Variants in SLCO3A1 observed in about 807,000 individuals in gnomAD.
The protein encoded by SLCO3A1 is PGE1 transporter.
A neutral mutation model predicts 63.1 loss-of-function variants in SLCO3A1; 27 were observed. That is an observed-to-expected ratio of 0.43 (90% CI 0.32 to 0.59). The LOEUF (loss-of-function observed/expected upper bound fraction) is 0.59. Ranked by LOEUF, SLCO3A1 falls within the 20% of genes least tolerant of loss-of-function variation. The probability of loss-of-function intolerance (pLI) is 0.09; values close to 1 mark genes in which losing one functional copy is unlikely to be tolerated. For synonymous variants in SLCO3A1, 473 were observed against 409.9 expected (o/e 1.15, Z -1.86); for missense variants, 773 against 945.8 (o/e 0.82, Z 2.40).
intron 2 of SLCO3A1, among the ~76,000 whole-genome samples, chr15:92,060,214 G>A (rs2047069897): frequency 6.6e-6 from 1 of 152,000 alleles, no homozygotes; most frequent in African/African-American, 2.4e-5. Flanking sequence ...GTACACTCCT[G>A]TACCATAGGC....
intron 1 of SLCO3A1, among the ~76,000 whole-genome samples, chr15:91,911,912 A>G (rs988018356): frequency 1.3e-5 from 2 of 151,994 alleles, no homozygotes; most frequent in Admixed American, 6.5e-5. Context: ...GTCGTGAGCC[A>G]CTGCGCCCGG....
At chr15:91,876,691 C>T (rs1390316843) in intron 1 of SLCO3A1, among the ~76,000 whole-genome samples, 1 of 152,218 alleles carries the variant, frequency 6.6e-6, no homozygotes, top group African/African-American at 2.4e-5. Context: ...GGAGGCCTCT[C>T]AACTGGAACT....
In SLCO3A1 at chr15:91,916,448, G is replaced by C. The variant is rs768503651; in HGVS notation, c.636G>C (p.Ser212=). ...IDDHVRRKDS[S]LYIGILFTML... ...ACCACGTGCGGAGGAAGGACTCCTCGCTCTATATAGGTAGGAGCTGCCCCA... is the reference window on the plus strand; with the variant it reads ...ACCACGTGCGGAGGAAGGACTCCTCCCTCTATATAGGTAGGAGCTGCCCCA... The change falls in exon 2 of 10, where the codon TCG becomes TCC. Residue 212 remains serine (S), a synonymous_variant. Coordinates refer to ENST00000318445, the MANE Select transcript of SLCO3A1 (RefSeq NM_013272.4). The surrounding 1 kb of genome is among the most constrained non-coding windows in gnomAD (Gnocchi z 6.2). The C allele has an allele frequency of 6.2e-7, 1 of 1,605,696 alleles. No individual in the cohort carries two copies.
At chr15:91,966,893 G>C (rs983131817) in intron 2 of SLCO3A1, among the ~76,000 whole-genome samples, 2 of 152,174 alleles carry the variant, frequency 1.3e-5, no homozygotes, top group Non-Finnish European at 2.9e-5. Flanking sequence ...TCTGCAGAGA[G>C]CTGGGCTGCT....
Position 92,050,945 on chromosome 15 carries a change from C to T in SLCO3A1, c.647-43936C>T, listed in dbSNP as rs983116605. 9.8e-5 allele frequency among the ~76,000 whole-genome samples: 15 copies of T among 152,326 alleles called. No homozygotes were observed. In the East Asian group the frequency reaches 2.5e-3, roughly 26 times the overall value. On this transcript the variant is annotated intron_variant, in intron 2 of 9. Transcript: ENST00000318445. The stretch of plus-strand genomic sequence containing the variant: ...TGCTTTTCCCTCCACAGGTGACACT[C>T]AGCCTTCAGACATAGTCTTCTTGTC...
chr15:92,046,630 C>G (rs977189396), intron 2 of SLCO3A1, among the ~76,000 whole-genome samples: 1 of 151,998 alleles, frequency 6.6e-6, no homozygotes, highest in Non-Finnish European at 1.5e-5. Context: ...GCTGCCTTGT[C>G]CAAGGCTGCA....
intron 2 of SLCO3A1, among the ~76,000 whole-genome samples, chr15:92,019,507 G>A (rs2046480725): frequency 6.6e-6 from 1 of 152,200 alleles, no homozygotes; most frequent in Non-Finnish European, 1.5e-5. Context: ...CCTAGGCCCA[G>A]GAGAGCTGGT....
intron 2 of SLCO3A1, among the ~76,000 whole-genome samples, chr15:92,071,954 G>T (rs915063205): frequency 2.0e-5 from 3 of 152,136 alleles, no homozygotes; most frequent in Non-Finnish European, 4.4e-5. Flanking sequence ...TCTCAACCAG[G>T]GTCCTTTTTT....
rs1897137148 is a variant in SLCO3A1, at chr15:91,865,245, G to A, written c.180+11157G>A. On this transcript the variant is annotated intron_variant, in intron 1 of 9. Transcript: ENST00000318445. The surrounding 1 kb of genome is among the most constrained non-coding windows in gnomAD (Gnocchi z 4.6). ...ACATTTTATTTAAACTTTTCCTTTT[G>A]TAGAGTTCGTAGGACAGTAGGATTA... Among the ~76,000 whole-genome samples, 1 of 152,174 alleles carries A rather than the reference G, an allele frequency of 6.6e-6. No individual in the cohort carries two copies. The highest frequency in any genetic ancestry group is 2.4e-5 in the African/African-American group (1 of 41,436).
intron 2 of SLCO3A1, among the ~76,000 whole-genome samples, chr15:92,035,023 G>T (rs1200307225): frequency 2.0e-5 from 3 of 151,884 alleles, no homozygotes; most frequent in East Asian, 3.9e-4. Flanking sequence ...CTTGTCCAAG[G>T]TCATAGTTAA....
intron 7 of SLCO3A1, among the ~76,000 whole-genome samples, chr15:92,141,184 C>T (rs1404230320): frequency 6.6e-6 from 1 of 152,178 alleles, no homozygotes; most frequent in Admixed American, 6.5e-5. Context: ...GAGAATTCAC[C>T]TCTCGCAGAG....
At chr15:92,128,297 C>G in intron 6 of SLCO3A1, 54 bp from the exon 7 acceptor site, 1 of 1,610,846 alleles carries the variant, frequency 6.2e-7, no homozygotes, top group East Asian at 2.2e-5. Flanking sequence ...CTGGGGGCAT[C>G]TGATTCCGAA....
chr15:91,906,588 G>A (rs1279278687), intron 1 of SLCO3A1, among the ~76,000 whole-genome samples: 2 of 152,218 alleles, frequency 1.3e-5, no homozygotes, highest in African/African-American at 2.4e-5. Flanking sequence ...GAGGGCCTTA[G>A]ACTAAGATCT....
At chr15:92,085,437 C>T (rs1410992134) in intron 2 of SLCO3A1, among the ~76,000 whole-genome samples, 2 of 152,198 alleles carry the variant, frequency 1.3e-5, no homozygotes, top group Non-Finnish European at 2.9e-5. Context: ...CCAAGTGCCC[C>T]GGGGCGAGCT....
At chr15:91,982,271 C>A (rs956151834) in intron 2 of SLCO3A1, among the ~76,000 whole-genome samples, 14 of 152,240 alleles carry the variant, frequency 9.2e-5, no homozygotes, top group African/African-American at 3.4e-4. Flanking sequence ...GCAATCAGGG[C>A]AGGGCCCTAG....
rs549257054 is a variant in SLCO3A1, at chr15:92,102,762, A to G, written c.746-1517A>G. On this transcript the variant is annotated intron_variant, in intron 3 of 9. Coordinates refer to ENST00000318445, the MANE Select transcript of SLCO3A1 (RefSeq NM_013272.4). ...GAGCTGGTGGCCTTAGGCTCATGGCACAAAGAGCAGGAATTGATCATTCAC... is the reference window on the plus strand; with the variant it reads ...GAGCTGGTGGCCTTAGGCTCATGGCGCAAAGAGCAGGAATTGATCATTCAC... Among the ~76,000 whole-genome samples the G allele has an allele frequency of 5.3e-5, 8 of 152,288 alleles. No homozygotes were observed. The South Asian group carries it at 1.5e-3, about 28-fold the overall frequency.
intron 2 of SLCO3A1, among the ~76,000 whole-genome samples, chr15:92,009,465 A>G (rs1467036321): frequency 6.6e-6 from 1 of 152,172 alleles, no homozygotes; most frequent in Non-Finnish European, 1.5e-5. Flanking sequence ...CCAACTCGAG[A>G]ATGTCTCCAG....
intron 2 of SLCO3A1, among the ~76,000 whole-genome samples, chr15:92,023,617 C>T (rs912995806): frequency 6.6e-6 from 1 of 151,978 alleles, no homozygotes; most frequent in African/African-American, 2.4e-5. Flanking sequence ...TACAGGCATG[C>T]ACCACCACAC....
Position 92,015,434 on chromosome 15 carries a change from T to G in SLCO3A1, c.647-79447T>G, listed in dbSNP as rs2046414996. Among the ~76,000 whole-genome samples, 5 of 152,138 alleles carry G rather than the reference T, an allele frequency of 3.3e-5. 1 individual carries two copies. In the South Asian group the frequency reaches 1.0e-3, roughly 32 times the overall value. Reference sequence around the variant, plus strand: ...AGAAAAGCCCAGGGGGAACTGCCACTTCTAAACTATGAGATCTCGTGAGAA... The same window carrying G: ...AGAAAAGCCCAGGGGGAACTGCCACGTCTAAACTATGAGATCTCGTGAGAA... On this transcript the variant is annotated intron_variant, in intron 2 of 9. Coordinates refer to ENST00000318445, the MANE Select transcript of SLCO3A1 (RefSeq NM_013272.4).
Sources: gnomAD v4.1 joint callset for allele counts (sites outside exome capture counted in the v4.1 genomes callset) on GRCh38, gnomAD v4.1.1 for gene constraint, Gnocchi (gnomAD v3.1) non-coding constraint, MANE v1.5 for transcripts, NCBI Gene and HGNC (gene_info 2026-07-23, HGNC 2026-07-21) for gene names.